Variants in GRPEL2 observed in about 807,000 individuals in gnomAD.
The protein encoded by GRPEL2 is grpE protein homolog 2, mitochondrial.
In GRPEL2, 18 loss-of-function variants were observed where a neutral mutation model predicts 25.9. The observed-to-expected ratio is 0.70, with a 90% confidence interval of 0.48 to 1.03. The LOEUF is 1.03. Ranked by LOEUF, GRPEL2 falls within the 50% of genes least tolerant of loss-of-function variation. The pLI is 0.00. For synonymous variants in GRPEL2, 106 were observed against 107.9 expected, an observed-to-expected ratio of 0.98 and a Z score of 0.11; for missense variants, 247 against 276.2, an observed-to-expected ratio of 0.89 and a Z score of 0.75.
At position 149,351,577 on chromosome 5, in the gene GRPEL2, G is replaced by A. The variant is rs1472646836; in HGVS notation, c.*295G>A. On this transcript the variant is annotated 3_prime_UTR_variant, in exon 4 of 4. Coordinates refer to ENST00000329271, the MANE Select transcript of GRPEL2 (RefSeq NM_152407.4). ...TGAATCCAAAATCCTTTTAACTATGGGTTTTCAACTACATGTTTCTTCCTA... is the reference window on the plus strand; with the variant it reads ...TGAATCCAAAATCCTTTTAACTATGAGTTTTCAACTACATGTTTCTTCCTA... 1 of 258,566 alleles carries A rather than the reference G, an allele frequency of 3.9e-6. No individual in the cohort carries two copies. Among genetic ancestry groups the A allele is most frequent in the Non-Finnish European group, 7.5e-6 (1 of 133,320 alleles). The allele number at this position is 258,566 out of a possible 1,614,324, so 16.0% of individuals were successfully genotyped here. A position where few individuals can be genotyped will look rare whatever the true frequency, so the allele number is the denominator to read the frequency against.
At position 149,348,314 on chromosome 5, in the gene GRPEL2, T is replaced by C; in HGVS notation, c.120T>C (p.Ala40=). The change falls in exon 2 of 4, where the codon GCT becomes GCC. Residue 40 remains alanine, a synonymous_variant. Transcript: ENST00000329271. ...TCAGCACTGCCACCCAGAGAACTGC[T>C]GGTGAGGACTGCCGTTCTGAGGACC... ...LPFSTATQRT[A]GEDCRSEDPP... is the part of the protein sequence containing the mutation. 1 of 1,612,380 alleles carries C rather than the reference T, an allele frequency of 6.2e-7. No homozygotes were observed. Among genetic ancestry groups the C allele is most frequent in the Non-Finnish European group, 8.5e-7 (1 of 1,179,652 alleles).
intron 3 of GRPEL2, among the ~76,000 whole-genome samples, chr5:149,350,565 T>C (rs1173632691): frequency 6.6e-6 from 1 of 152,254 alleles, no homozygotes; most frequent in African/African-American, 2.4e-5. Context: ...GCAGGAATTT[T>C]CAAAATGTAC....
intron 1 of GRPEL2, 180 bp downstream of exon 1, chr5:149,345,796 C>T (rs1166068245): frequency 4.9e-6 from 3 of 612,790 alleles, no homozygotes; most frequent in African/African-American, 3.7e-5. Flanking sequence ...CTGAGGCCAT[C>T]AGCCGTGCCT....
Position 149,351,456 on chromosome 5 carries a change from A to T in GRPEL2, c.*174A>T, listed in dbSNP as rs1396393131. On this transcript the variant is annotated 3_prime_UTR_variant, in exon 4 of 4. Transcript: ENST00000329271. Reference sequence around the variant, plus strand: ...GATTTAATGTGACCTGTTTGGTCTCATCAGAAGTCTTACCATTGGGCATTT... The same window carrying T: ...GATTTAATGTGACCTGTTTGGTCTCTTCAGAAGTCTTACCATTGGGCATTT... 2 of 675,880 alleles carry T rather than the reference A, an allele frequency of 3.0e-6. No homozygotes were observed. The highest frequency in any genetic ancestry group is 3.6e-5 in the African/African-American group (2 of 55,528). 41.9% of individuals were successfully genotyped at this position (675,880 alleles called of 1,614,324 possible).
chr5:149,350,910 C>T lies in GRPEL2; in HGVS notation c.314-8C>T. ...CACAAACAATAAAAATAACTGGCTT[C>T]TCTGCAGGAATCCAGAGTTTCTGTA... On this transcript the variant is annotated splice_polypyrimidine_tract_variant and splice_region_variant and intron_variant, in intron 3 of 3. Coordinates refer to ENST00000329271, the MANE Select transcript of GRPEL2 (RefSeq NM_152407.4). 6.2e-7 allele frequency: 1 copy of T among 1,610,262 alleles called. No homozygotes were observed. Among genetic ancestry groups the T allele is most frequent in the Non-Finnish European group, 8.5e-7 (1 of 1,177,694 alleles).
At chr5:149,347,793 A>C (rs759056670) in intron 1 of GRPEL2, among the ~76,000 whole-genome samples, 5 of 152,170 alleles carry the variant, frequency 3.3e-5, no homozygotes, top group Non-Finnish European at 5.9e-5. Flanking sequence ...ACTGGACTTA[A>C]TTTCCCTCAT....
In GRPEL2 at chr5:149,353,585, TTTGG is replaced by T. The variant is rs1302554542; in HGVS notation, c.*2306_*2309del. The stretch of plus-strand genomic sequence containing the variant: ...GTTTTTTGGTTTTTGGTTTTTGGTT[TTTGG>T]TTTTTTTTTTTTGGTTGGTTGGTTG... On this transcript the variant is annotated 3_prime_UTR_variant, in exon 4 of 4. Coordinates refer to ENST00000329271, the MANE Select transcript of GRPEL2 (RefSeq NM_152407.4). The T allele has an allele frequency of 6.6e-6, 1 of 151,466 alleles. No individual in the cohort carries two copies. The highest frequency in any genetic ancestry group is 1.9e-4 in the East Asian group (1 of 5,168). The allele number at this position is 151,466 out of a possible 1,614,324, so 9.4% of individuals were successfully genotyped here. A position where few individuals can be genotyped will look rare whatever the true frequency, so the allele number is the denominator to read the frequency against.
intron 1 of GRPEL2, among the ~76,000 whole-genome samples, chr5:149,346,458 T>C (rs562684088): frequency 6.6e-6 from 1 of 152,310 alleles, no homozygotes; most frequent in East Asian, 1.9e-4. Flanking sequence ...TTAACACACC[T>C]GACCCAACAT....
rs184666720 is a variant in GRPEL2 at position 149,350,941 on chromosome 5, T to C, written c.337T>C (p.Leu113=). Reference sequence around the variant, plus strand: ...AGGAATCCAGAGTTTCTGTAAGGACTTGGTGGAGGTGGCTGACATTTTGGA... The same window carrying C: ...AGGAATCCAGAGTTTCTGTAAGGACCTGGTGGAGGTGGCTGACATTTTGGA... ...IFGIQSFCKD[L]VEVADILEKT... The change falls in exon 4 of 4, where the codon TTG becomes CTG. Residue 113 remains leucine, a synonymous_variant. Coordinates refer to ENST00000329271, the MANE Select transcript of GRPEL2 (RefSeq NM_152407.4). 6.2e-7 allele frequency: 1 copy of C among 1,613,794 alleles called. No individual in the cohort carries two copies. Among genetic ancestry groups the C allele is most frequent in the African/African-American group, 1.3e-5 (1 of 75,040 alleles).
Position 149,354,056 on chromosome 5 carries a change from A to G in GRPEL2, c.*2774A>G, listed in dbSNP as rs1757818975. The stretch of plus-strand genomic sequence containing the variant: ...TGCACATTGTTTTTCCTGCCTTTTT[A>G]TGGCTGTCTAAAGTCTAGGGAAAAG... On this transcript the variant is annotated 3_prime_UTR_variant, in exon 4 of 4. Coordinates refer to ENST00000329271, the MANE Select transcript of GRPEL2 (RefSeq NM_152407.4). 6.6e-6 allele frequency: 1 copy of G among 152,124 alleles called. No individual in the cohort carries two copies. Among genetic ancestry groups the G allele is most frequent in the Non-Finnish European group, 1.5e-5 (1 of 68,022 alleles). The allele number at this position is 152,124 out of a possible 1,614,324, so 9.4% of individuals were successfully genotyped here. A position where few individuals can be genotyped will look rare whatever the true frequency, so the allele number is the denominator to read the frequency against.
At chr5:149,345,805 CTCTT>C (rs1053850785) in intron 1 of GRPEL2, 189 bp downstream of exon 1, 4 of 608,012 alleles carry the variant, frequency 6.6e-6, no homozygotes, top group African/African-American at 3.7e-5. Flanking sequence ...TCAGCCGTGC[CTCTT>C]TCTTAGGCCG....
In GRPEL2 at chr5:149,353,087, C is replaced by T. The variant is rs976359434; in HGVS notation, c.*1805C>T. 10 of 152,630 alleles carry T rather than the reference C, an allele frequency of 6.6e-5. No individual in the cohort carries two copies. Among genetic ancestry groups the T allele is most frequent in the African/African-American group, 2.2e-4 (9 of 41,436 alleles). 9.5% of individuals were successfully genotyped at this position (152,630 alleles called of 1,614,324 possible). On this transcript the variant is annotated 3_prime_UTR_variant, in exon 4 of 4. Transcript: ENST00000329271. The stretch of plus-strand genomic sequence containing the variant: ...CATTATAGATAATTCTAAGACAGCA[C>T]ACAAACTTATCAATAAAGCCATCTC...
At chr5:149,350,308 G>A (rs1043791712) in intron 3 of GRPEL2, among the ~76,000 whole-genome samples, 11 of 152,130 alleles carry the variant, frequency 7.2e-5, no homozygotes, top group Admixed American at 3.9e-4. Flanking sequence ...GTAACAGTTC[G>A]TATGACTCTT....
intron 2 of GRPEL2, among the ~76,000 whole-genome samples, chr5:149,349,011 A>G (rs62378141): frequency 1.3e-5 from 2 of 151,120 alleles, no homozygotes; most frequent in South Asian, 2.1e-4. Context: ...TTTTTTTTAA[A>G]TGAGACGTAG....
chr5:149,347,323 C>T (rs768864264), intron 1 of GRPEL2, among the ~76,000 whole-genome samples: 1 of 152,194 alleles, frequency 6.6e-6, no homozygotes, highest in Non-Finnish European at 1.5e-5. Flanking sequence ...CTTTGCTCAG[C>T]TGTCTCCGTG....
intron 1 of GRPEL2, among the ~76,000 whole-genome samples, chr5:149,346,031 C>T (rs1018080994): frequency 6.6e-6 from 1 of 152,184 alleles, no homozygotes; most frequent in African/African-American, 2.4e-5. Flanking sequence ...AAAAGGAGGC[C>T]GCTGAACTTG....
rs1167038202 is a variant in GRPEL2 at position 149,352,462 on chromosome 5, G to A, written c.*1180G>A. ...TTTTGTTGTTTTTTTTTTTAAGTTG[G>A]TACTCACAAATCACTACCTCTGTTA... On this transcript the variant is annotated 3_prime_UTR_variant, in exon 4 of 4. Coordinates refer to ENST00000329271, the MANE Select transcript of GRPEL2 (RefSeq NM_152407.4). 19 of 151,126 alleles carry A rather than the reference G, an allele frequency of 1.3e-4. No homozygotes were observed. Among genetic ancestry groups the A allele is most frequent in the African/African-American group, 3.9e-4 (16 of 41,096 alleles). The allele number at this position is 151,126 out of a possible 1,614,324, so 9.4% of individuals were successfully genotyped here.
Position 149,351,120 on chromosome 5 carries a change from A to C in GRPEL2, c.516A>C (p.Lys172Asn), listed in dbSNP as rs1158158964. 6.2e-7 allele frequency: 1 copy of C among 1,614,200 alleles called. No individual in the cohort carries two copies. The highest frequency in any genetic ancestry group is 1.3e-5 in the African/African-American group (1 of 75,048). ...GLEKLTPIGD[K>N]YDPHEHELIC... ...AGAAACTGACACCCATTGGTGACAA[A>C]TATGACCCCCATGAGCATGAACTCA... Residue 172 changes from lysine (K) to asparagine (N), a missense_variant, in exon 4 of 4, where the codon AAA becomes AAC. By Grantham distance (94) the Lys-to-Asn change is moderately conservative (BLOSUM62 0). Transcript: ENST00000329271.
rs1025445059 is a variant in GRPEL2, at chr5:149,352,986, A to G, written c.*1704A>G. 8 of 146,004 alleles carry G rather than the reference A, an allele frequency of 5.5e-5. No homozygotes were observed. The highest frequency in any genetic ancestry group is 2.3e-4 in the African/African-American group (8 of 35,512). 9.0% of individuals were successfully genotyped at this position (146,004 alleles called of 1,614,324 possible). ...GATTATATAGGTTTAGGTTGAAGTT[A>G]TAAAATAAAATAAAATTCATTTTCC... On this transcript the variant is annotated 3_prime_UTR_variant, in exon 4 of 4. Transcript: ENST00000329271.
Sources: gnomAD v4.1 joint callset for allele counts (sites outside exome capture counted in the v4.1 genomes callset) on GRCh38, gnomAD v4.1.1 for gene constraint, MANE v1.5 for transcripts, NCBI Gene and HGNC (gene_info 2026-07-23, HGNC 2026-07-21) for gene names.